ST3GAL6: variants seen among roughly 807,000 people sequenced by gnomAD.
The protein encoded by ST3GAL6 is type 2 lactosamine alpha-2,3-sialyltransferase.
A neutral mutation model predicts 40.5 loss-of-function variants in ST3GAL6; 31 were observed. The ratio of observed to expected loss-of-function variants is 0.77; its 90% confidence interval spans 0.58 to 1.03. ST3GAL6 has a LOEUF of 1.03. ST3GAL6 is among the 50% of genes least tolerant of loss of function. ST3GAL6 has a pLI of 0.00. For synonymous variants in ST3GAL6, 129 were observed against 136.9 expected (o/e 0.94, Z 0.40); for missense variants, 357 against 393.2 (o/e 0.91, Z 0.78).
At chr3:98,744,324 C>A (rs1936371420) in intron 1 of ST3GAL6, among the ~76,000 whole-genome samples, 1 of 152,172 alleles carries the variant, frequency 6.6e-6, no homozygotes, top group Non-Finnish European at 1.5e-5. Flanking sequence ...GGCACTAATA[C>A]AGAGGTTCTG....
At position 98,755,614 on chromosome 3, in the gene ST3GAL6, G is replaced by A. The variant is rs75920254; in HGVS notation, c.-11-12816G>A. On this transcript the variant is annotated intron_variant, in intron 1 of 9. Coordinates refer to the ST3GAL6 transcript ENST00000265261. ...CTTTAACTTAAATAGGCAAAATACC[G>A]GAATATTAATACCATAATAATGGAC... Among the ~76,000 whole-genome samples, 395 of 152,126 alleles carry A rather than the reference G, an allele frequency of 2.6e-3. 19 individuals carry two copies. In the East Asian group the frequency reaches 0.068, roughly 26 times the overall value.
At chr3:98,785,078 C>A in intron 6 of ST3GAL6, 38 bp downstream of exon 6, 2 of 1,423,852 alleles carry the variant, frequency 1.4e-6, no homozygotes, top group South Asian at 1.2e-5. Flanking sequence ...AGAATTGTTT[C>A]AAAAGAATAT....
rs773877150 is a variant in ST3GAL6 at position 98,788,022 on chromosome 3, T to G, written c.432-14T>G. The G allele has an allele frequency of 6.2e-7, 1 of 1,607,566 alleles. No homozygotes were observed. The highest frequency in any genetic ancestry group is 1.1e-5 in the South Asian group (1 of 89,866). ...CACTTGGTCTACATATCTTGTATGTTTTACTATCCACAGAATGAATAATGG... is the reference window on the plus strand; with the variant it reads ...CACTTGGTCTACATATCTTGTATGTGTTACTATCCACAGAATGAATAATGG... On this transcript the variant is annotated splice_polypyrimidine_tract_variant and intron_variant, in intron 6 of 9. Coordinates refer to ENST00000483910, the MANE Select transcript of ST3GAL6 (RefSeq NM_001323368.2).
intron 1 of ST3GAL6, chr3:98,733,684 G>A: frequency 1.3e-6 from 1 of 779,296 alleles, no homozygotes; most frequent in Non-Finnish European, 1.6e-6. Context: ...GGAGATCCCG[G>A]CAATCTCAAG....
At chr3:98,764,616 T>C (rs56283065) in intron 1 of ST3GAL6, among the ~76,000 whole-genome samples, 5,879 of 152,258 alleles carry the variant, frequency 0.039, 144 homozygotes, top group African/African-American at 0.066. Flanking sequence ...GGGGAGGTAG[T>C]ATAACGCATG....
intron 6 of ST3GAL6, 111 bp downstream of exon 6, chr3:98,785,151 T>C: frequency 1.4e-6 from 1 of 698,172 alleles, no homozygotes; most frequent in Non-Finnish European, 2.4e-6. Context: ...TTTGGTTTTT[T>C]TTTTATTGCA....
intron 1 of ST3GAL6, among the ~76,000 whole-genome samples, chr3:98,757,841 CTT>C (rs896097255): frequency 1.4e-5 from 2 of 144,404 alleles, no homozygotes; most frequent in Non-Finnish European, 1.5e-5. Context: ...GCTTTTTTTT[CTT>C]TTTTTTTTTT....
At chr3:98,756,652 T>C in intron 1 of ST3GAL6, 1 of 918,244 alleles carries the variant, frequency 1.1e-6, no homozygotes, top group Non-Finnish European at 1.4e-6. Flanking sequence ...TCCCCTCTTC[T>C]ATGAATACAG....
intron 1 of ST3GAL6, chr3:98,756,540 G>T: frequency 8.0e-7 from 1 of 1,250,428 alleles, no homozygotes; most frequent in Non-Finnish European, 1.0e-6. Flanking sequence ...TAAAAGTGCA[G>T]GTAAGCAAAG....
At chr3:98,777,354 G>T (rs534092895) in intron 5 of ST3GAL6, among the ~76,000 whole-genome samples, 5 of 152,292 alleles carry the variant, frequency 3.3e-5, no homozygotes, top group African/African-American at 1.2e-4. Context: ...GAGAGTATTC[G>T]TACCATGGGA....
Position 98,792,092 on chromosome 3 carries a change from G to A in ST3GAL6, c.909+99G>A, listed in dbSNP as rs1014534368. 5.7e-6 allele frequency: 7 copies of A among 1,235,288 alleles called. No individual in the cohort carries two copies. In the African/African-American group the frequency reaches 6.2e-5, roughly 11 times the overall value. 76.5% of individuals were successfully genotyped at this position (1,235,288 alleles called of 1,614,324 possible). ...TCTTCTCACACTCATTTTACTGAGG[G>A]ACCACGTTTTGAAGGGTTGAGGGCT... On this transcript the variant is annotated intron_variant, in intron 9 of 9. Transcript: ENST00000483910.
chr3:98,760,614 C>CT (rs1319139781), upstream of ST3GAL6, among the ~76,000 whole-genome samples: 11 of 151,876 alleles, frequency 7.2e-5, no homozygotes, highest in Non-Finnish European at 1.0e-4. Flanking sequence ...ATAGGTAGGG[C>CT]TTTTTTTTAA....
upstream of ST3GAL6, among the ~76,000 whole-genome samples, chr3:98,759,319 A>G (rs1470088409): frequency 6.6e-6 from 1 of 152,218 alleles, no homozygotes; most frequent in Non-Finnish European, 1.5e-5. Flanking sequence ...GAGGAAATCT[A>G]GAAACACAGG....
In ST3GAL6 at chr3:98,754,635, C is replaced by T. The variant is rs190289343; in HGVS notation, c.-11-13795C>T. Among the ~76,000 whole-genome samples the T allele has an allele frequency of 1.2e-4, 18 of 152,182 alleles. No individual in the cohort carries two copies. The East Asian group carries it at 1.4e-3, about 11-fold the overall frequency. On this transcript the variant is annotated intron_variant, in intron 1 of 9. Coordinates refer to the ST3GAL6 transcript ENST00000265261. Reference sequence around the variant, plus strand: ...TGCTATCAAAGAGCATTACATGGTACGGAGAAATATTTTGTGAAGGGAAAT... The same window carrying T: ...TGCTATCAAAGAGCATTACATGGTATGGAGAAATATTTTGTGAAGGGAAAT...
Position 98,773,996 on chromosome 3 carries a change from CCTTG to C in ST3GAL6, c.335+17_335+20del. The C allele has an allele frequency of 1.9e-6, 3 of 1,605,528 alleles. No homozygotes were observed. The highest frequency in any genetic ancestry group is 2.6e-6 in the Non-Finnish European group (3 of 1,173,182). On this transcript the variant is annotated intron_variant, in intron 5 of 9. Transcript: ENST00000483910. Reference sequence around the variant, plus strand: ...ATGAGTTTGACAAGTGAGTTTATTTCCTTGCTTCTAGTCTGGCTTTTAGCTTCAG... The same window carrying C: ...ATGAGTTTGACAAGTGAGTTTATTTCCTTCTAGTCTGGCTTTTAGCTTCAG...
In ST3GAL6 at chr3:98,791,949, C is replaced by T. The variant is rs1184087548; in HGVS notation, c.865C>T (p.Pro289Ser). 4.3e-6 allele frequency: 7 copies of T among 1,613,772 alleles called. No homozygotes were observed. The highest frequency in any genetic ancestry group is 5.9e-6 in the Non-Finnish European group (7 of 1,179,864). Residue 289 changes from proline to serine, a missense_variant, in exon 9 of 10, where the codon CCT becomes TCT. Physicochemically the swap from Pro to Ser is moderately conservative, Grantham distance 74 (BLOSUM62 -1). Transcript: ENST00000483910. The part of the protein sequence containing the change: ...FKYNFSDLKS[P>S]LHYYGNATMS... The stretch of plus-strand genomic sequence containing the variant: ...ATACAACTTTTCTGACCTCAAGAGT[C>T]CTTTGCACTACTATGGGAATGCCAC...
chr3:98,763,423 C>A lies in ST3GAL6; in HGVS notation c.-28C>A, dbSNP rs748054745. The A allele has an allele frequency of 1.6e-6, 2 of 1,289,712 alleles. No individual in the cohort carries two copies. Among genetic ancestry groups the A allele is most frequent in the Non-Finnish European group, 2.0e-6 (2 of 988,850 alleles). The allele number at this position is 1,289,712 out of a possible 1,614,324, so 79.9% of individuals were successfully genotyped here. A position where few individuals can be genotyped will look rare whatever the true frequency, so the allele number is the denominator to read the frequency against. On this transcript the variant is annotated 5_prime_UTR_variant, in exon 1 of 10. It adds an upstream start codon to the 5' untranslated region. Transcript: ENST00000483910. ...TGGACACAGGTGTCAGCAGGGCCAC[C>A]TGGTAAAGGTATGGAGGTGAGCCAT...
At chr3:98,750,050 C>T (rs369466503) in intron 1 of ST3GAL6, among the ~76,000 whole-genome samples, 6 of 152,120 alleles carry the variant, frequency 3.9e-5, no homozygotes, top group Non-Finnish European at 5.9e-5. Flanking sequence ...TTCCCTGCCC[C>T]GTTCAGAGAC....
chr3:98,739,141 T>G (rs1423451657), intron 1 of ST3GAL6, among the ~76,000 whole-genome samples: 1 of 152,184 alleles, frequency 6.6e-6, no homozygotes, highest in African/African-American at 2.4e-5. Context: ...ATCAGTTCTC[T>G]GAAACTAATC....
Sources: gnomAD v4.1 joint callset for allele counts (sites outside exome capture counted in the v4.1 genomes callset) on GRCh38, gnomAD v4.1.1 for gene constraint, MANE v1.5 for transcripts, NCBI Gene and HGNC (gene_info 2026-07-23, HGNC 2026-07-21) for gene names.